The following PRDM11 variants were observed in gnomAD, a reference collection of about 807,000 sequenced individuals.
PRDM11 encodes the protein PR/SET domain 11.
Under a neutral mutation model 97.8 loss-of-function variants are expected in PRDM11, and 20 were observed. The ratio of observed to expected loss-of-function variants is 0.20; its 90% CI spans 0.14 to 0.30. PRDM11 has a LOEUF of 0.30. PRDM11 is among the 10% of genes least tolerant of loss of function. PRDM11 has a pLI of 1.00. For synonymous variants in PRDM11, 599 were observed against 637.7 expected (o/e 0.94, Z 0.91); for missense variants, 1,139 against 1,555.2 (o/e 0.73, Z 4.50).
intron 1 of PRDM11, among the ~76,000 whole-genome samples, chr11:45,168,232 G>A (rs1306053554): frequency 6.6e-6 from 1 of 152,194 alleles, no homozygotes; most frequent in African/African-American, 2.4e-5. Flanking sequence ...GGAGCTGTGG[G>A]CCGTGGTCAG....
intron 1 of PRDM11, among the ~76,000 whole-genome samples, chr11:45,166,261 G>A (rs1254435160): frequency 6.6e-6 from 1 of 152,188 alleles, no homozygotes; most frequent in South Asian, 2.1e-4. Flanking sequence ...TGGGCAGGCT[G>A]TTGTATGAGG....
intron 1 of PRDM11, among the ~76,000 whole-genome samples, chr11:45,130,786 C>T (rs1042118469): frequency 2.6e-5 from 4 of 152,102 alleles, no homozygotes; most frequent in South Asian, 2.1e-4. Flanking sequence ...CATTTTCATC[C>T]GTCAATAACT....
chr11:45,111,090 C>G (rs909007233), intron 1 of PRDM11, among the ~76,000 whole-genome samples: 1 of 152,178 alleles, frequency 6.6e-6, no homozygotes, highest in African/African-American at 2.4e-5. Context: ...ACTTGCAACT[C>G]TGGGAGGTGT....
At position 45,140,416 on chromosome 11, in the gene PRDM11, C is replaced by T. The variant is rs140500903; in HGVS notation, c.97-41345C>T. Among the ~76,000 whole-genome samples the T allele has an allele frequency of 3.9e-5, 6 of 152,330 alleles. No homozygotes were observed. In the East Asian group the frequency reaches 7.7e-4, roughly 20 times the overall value. Reference sequence around the variant, plus strand: ...CCTGGCCCAGATCTCTATTCTTTCACGACAGTGCTCTCCACCAGCAATGTG... The same window carrying T: ...CCTGGCCCAGATCTCTATTCTTTCATGACAGTGCTCTCCACCAGCAATGTG... On this transcript the variant is annotated intron_variant, in intron 1 of 6. Transcript: ENST00000530656.
At chr11:45,209,912 A>G (rs1331932937) in intron 5 of PRDM11, among the ~76,000 whole-genome samples, 9 of 152,180 alleles carry the variant, frequency 5.9e-5, no homozygotes, top group Non-Finnish European at 1.0e-4. Context: ...GAAGAGTAAG[A>G]GTTAACCAGG....
intron 1 of PRDM11, among the ~76,000 whole-genome samples, chr11:45,160,195 C>T (rs545487637): frequency 1.3e-5 from 2 of 152,294 alleles, no homozygotes; most frequent in African/African-American, 2.4e-5. Flanking sequence ...TCCTCTAATT[C>T]CCTCCACCCC....
intron 4 of PRDM11, among the ~76,000 whole-genome samples, chr11:45,195,615 C>G (rs1853095570): frequency 6.6e-6 from 1 of 151,770 alleles, no homozygotes; most frequent in South Asian, 2.1e-4. Flanking sequence ...TCTCTGTCAC[C>G]CAGGCTGGAA....
chr11:45,095,220 C>G (rs1851873024), upstream of PRDM11, among the ~76,000 whole-genome samples: 5 of 152,176 alleles, frequency 3.3e-5, no homozygotes, highest in South Asian at 8.3e-4. Flanking sequence ...GCCTCAAAGC[C>G]AGCTGCCAGC....
At position 45,218,968 on chromosome 11, in the gene PRDM11, T is replaced by C. The variant is rs113358734; in HGVS notation, c.555-602T>C. On this transcript the variant is annotated intron_variant, in intron 5 of 7. Transcript: ENST00000683152. ...TCAGTCTCCTTACCTTAAAATCATT[T>C]AGTAAGATTAACCAGTGGTTGTCAA... Among the ~76,000 whole-genome samples the C allele has an allele frequency of 8.0e-3, 1,223 of 152,336 alleles. 28 individuals are homozygous for C. Among genetic ancestry groups the C allele is most frequent in the African/African-American group, 0.028 (1,165 of 41,578 alleles).
chr11:45,194,134 A>T (rs1382712797), intron 4 of PRDM11, among the ~76,000 whole-genome samples: 1 of 152,236 alleles, frequency 6.6e-6, no homozygotes, highest in Non-Finnish European at 1.5e-5. Flanking sequence ...CGGATGGCTG[A>T]AGAGCTGGGG....
intron 1 of PRDM11, among the ~76,000 whole-genome samples, chr11:45,111,676 C>T (rs1459274537): frequency 6.6e-6 from 1 of 152,168 alleles, no homozygotes; most frequent in Non-Finnish European, 1.5e-5. Context: ...CACCTAATAA[C>T]CACATGCACT....
chr11:45,226,591 C>T lies in PRDM11; in HGVS notation c.1966C>T (p.Pro656Ser), dbSNP rs762275145. ...CCTGGTGGAGCGCATCCGCCAGTCA[C>T]CTTGCCTCAGCGTCATCCTGGATGG... Reference protein sequence around the residue: ...EDLVERIRQSPCLSVILDGQS... With the variant: ...EDLVERIRQSSCLSVILDGQS... Residue 656 changes from proline to serine, a missense_variant, in exon 8 of 8, where the codon CCT becomes TCT. Transcript: ENST00000683152. 33 of 1,533,850 alleles carry T rather than the reference C, an allele frequency of 2.2e-5. No homozygotes were observed. In the South Asian group the frequency reaches 3.8e-4, roughly 18 times the overall value.
chr11:45,206,490 G>C (rs958396288), intron 5 of PRDM11, among the ~76,000 whole-genome samples: 3 of 152,206 alleles, frequency 2.0e-5, no homozygotes, highest in African/African-American at 7.2e-5. Context: ...GAGACCGTGC[G>C]TGTGTCCACT....
rs187127926 is a variant in PRDM11, at chr11:45,140,474, C to T, written c.97-41287C>T. On this transcript the variant is annotated intron_variant, in intron 1 of 6. Transcript: ENST00000530656. ...CATTTCTGGAATCAAGAATATTCCC[C>T]TATGGTGGGACTTTGGAGATCATTA... Among the ~76,000 whole-genome samples the T allele has an allele frequency of 9.2e-5, 14 of 152,308 alleles. No individual in the cohort carries two copies. The South Asian group carries it at 1.5e-3, about 16-fold the overall frequency.
At chr11:45,158,429 G>C (rs1006208285) in intron 1 of PRDM11, among the ~76,000 whole-genome samples, 3 of 152,238 alleles carry the variant, frequency 2.0e-5, no homozygotes, top group Non-Finnish European at 4.4e-5. Flanking sequence ...CTGTCTGGCT[G>C]CTGTTCAACA....
At chr11:45,162,403 G>A (rs1342411420) in intron 1 of PRDM11, among the ~76,000 whole-genome samples, 2 of 152,062 alleles carry the variant, frequency 1.3e-5, no homozygotes, top group African/African-American at 4.8e-5. Flanking sequence ...TGAGCTAGTG[G>A]ATGCAGAAGG....
chr11:45,183,982 A>G (rs1158103597), intron 4 of PRDM11, among the ~76,000 whole-genome samples: 1 of 152,234 alleles, frequency 6.6e-6, no homozygotes. Flanking sequence ...ATGTCAAATA[A>G]TAACTCTGAG....
chr11:45,127,148 A>T (rs944106312), intron 1 of PRDM11, among the ~76,000 whole-genome samples: 2 of 152,184 alleles, frequency 1.3e-5, no homozygotes, highest in South Asian at 4.1e-4. Flanking sequence ...AGGCTTCTGC[A>T]TTCTTCACAT....
chr11:45,223,218 T>TG (rs981997259), intron 6 of PRDM11, among the ~76,000 whole-genome samples: 10 of 152,094 alleles, frequency 6.6e-5, no homozygotes, highest in African/African-American at 1.9e-4. Flanking sequence ...GAGGCTGAAG[T>TG]GGGGGGATCA....
Sources: gnomAD v4.1 joint callset for allele counts (sites outside exome capture counted in the v4.1 genomes callset) on GRCh38, gnomAD v4.1.1 for gene constraint, MANE v1.5 for transcripts, NCBI Gene and HGNC (gene_info 2026-07-23, HGNC 2026-07-21) for gene names.